Variants in TYR observed in about 807,000 individuals in gnomAD.
TYR encodes the protein tyrosinase, also known as LB24-AB.
Under a neutral mutation model 51.5 loss-of-function variants are expected in TYR, and 58 were observed. That is an observed-to-expected ratio of 1.13 (90% confidence interval 0.91 to 1.40). The LOEUF is 1.40. TYR is among the 40% of genes most tolerant of loss of function. The probability of loss-of-function intolerance (pLI) is 0.00; values close to 1 mark genes in which losing one functional copy is unlikely to be tolerated. For missense variants in TYR, 732 were observed against 647.4 expected (o/e 1.13, Z -1.42); for synonymous variants, 263 against 235.2 (o/e 1.12, Z -1.08).
chr11:89,246,974 G>A (rs962554383), intron 3 of TYR, among the ~76,000 whole-genome samples: 3 of 152,170 alleles, frequency 2.0e-5, no homozygotes, highest in Admixed American at 6.6e-5. Flanking sequence ...AGATGGGATG[G>A]CAGAGGAGGA....
At chr11:89,235,603 G>T (rs990525991) in intron 3 of TYR, among the ~76,000 whole-genome samples, 1 of 152,080 alleles carries the variant, frequency 6.6e-6, no homozygotes, top group African/African-American at 2.4e-5. Context: ...CTCTTTAGAT[G>T]CAGAATCTAA....
chr11:89,290,275 T>C (rs181328034), intron 4 of TYR, among the ~76,000 whole-genome samples: 138 of 152,124 alleles, frequency 9.1e-4, no homozygotes, highest in South Asian at 2.3e-3. Flanking sequence ...TTGAAGGATG[T>C]TGAGAAATAA....
intron 3 of TYR, among the ~76,000 whole-genome samples, chr11:89,229,920 T>G (rs1944025020): frequency 6.6e-6 from 1 of 152,030 alleles, no homozygotes; most frequent in Non-Finnish European, 1.5e-5. Context: ...AAAGATATCC[T>G]GTATTCATAG....
At position 89,295,260 on chromosome 11, in the gene TYR, T is replaced by C; in HGVS notation, c.1484T>C (p.Leu495Pro). ...GAVLTALLAG[L>P]VSLLCRHKRK... is the part of the protein sequence containing the mutation. ...GTCCTCACTGCCCTGCTGGCAGGGC[T>C]TGTGAGCTTGCTGTGTCGTCACAAG... is the stretch of plus-strand genomic sequence containing the variant. The change falls in exon 5 of 5, where the codon CTT becomes CCT. Residue 495 changes from leucine to proline, a missense_variant. Transcript: ENST00000263321. 1.2e-6 allele frequency: 2 copies of C among 1,613,928 alleles called. No individual in the cohort carries two copies. The highest frequency in any genetic ancestry group is 8.5e-7 in the Non-Finnish European group (1 of 1,179,834).
Position 89,178,074 on chromosome 11 carries a change from G to T in TYR, c.121G>T (p.Gly41Trp), listed in dbSNP as rs369291837. The T allele has an allele frequency of 1.2e-6, 2 of 1,614,062 alleles. No individual in the cohort carries two copies. Among genetic ancestry groups the T allele is most frequent in the Non-Finnish European group, 1.7e-6 (2 of 1,180,038 alleles). Residue 41 changes from glycine (G) to tryptophan (W), a missense_variant, in exon 1 of 5, where the codon GGG (glycine) becomes TGG (tryptophan). Gly to Trp is a radical substitution (Grantham distance 184). Transcript: ENST00000263321. ...MEKECCPPWS[G>W]DRSPCGQLSG... ...GAAGGAATGCTGTCCACCGTGGAGC[G>T]GGGACAGGAGTCCCTGTGGCCAGCT...
chr11:89,242,475 G>T (rs534552916), intron 3 of TYR, among the ~76,000 whole-genome samples: 9 of 152,184 alleles, frequency 5.9e-5, no homozygotes, highest in Non-Finnish European at 1.0e-4. Flanking sequence ...CTTCCAAAGT[G>T]CTGGGATTAC....
intron 2 of TYR, among the ~76,000 whole-genome samples, chr11:89,215,783 C>G (rs1943824620): frequency 6.6e-6 from 1 of 152,038 alleles, no homozygotes; most frequent in African/African-American, 2.4e-5. Context: ...AAGAATCCCA[C>G]CATTTTTGGA....
At chr11:89,204,904 A>C (rs944769342) in intron 2 of TYR, among the ~76,000 whole-genome samples, 2 of 152,184 alleles carry the variant, frequency 1.3e-5, no homozygotes, top group Admixed American at 1.3e-4. Flanking sequence ...GGTTGAAGCA[A>C]AAGTAATTGT....
intron 3 of TYR, 85 bp downstream of exon 3, chr11:89,228,055 A>C: frequency 6.5e-7 from 1 of 1,540,156 alleles, no homozygotes; most frequent in East Asian, 2.3e-5. Flanking sequence ...TTATTAAATA[A>C]AAGCTAAGAA....
intron 4 of TYR, among the ~76,000 whole-genome samples, chr11:89,290,580 A>T (rs1162033156): frequency 6.6e-6 from 1 of 152,092 alleles, no homozygotes. Flanking sequence ...TATATATTAA[A>T]AACAGTAACT....
rs184151843 is a variant in TYR at position 89,211,917 on chromosome 11, G to A, written c.1037-15906G>A. 2.9e-4 allele frequency among the ~76,000 whole-genome samples: 44 copies of A among 152,168 alleles called. No individual in the cohort carries two copies. The East Asian group carries it at 5.2e-3, about 18-fold the overall frequency. ...AAACCAATTATAACAAAGACACGAC[G>A]TACCAGAATCTCTGGGACACATTTA... On this transcript the variant is annotated intron_variant, in intron 2 of 4. Transcript: ENST00000263321.
intron 2 of TYR, among the ~76,000 whole-genome samples, chr11:89,191,759 G>A (rs1943449293): frequency 1.3e-5 from 2 of 152,102 alleles, no homozygotes; most frequent in African/African-American, 4.8e-5. Flanking sequence ...GAGACTCTGA[G>A]GAAAGAAGCA....
At chr11:89,258,207 T>C (rs1944417569) in intron 3 of TYR, among the ~76,000 whole-genome samples, 1 of 152,034 alleles carries the variant, frequency 6.6e-6, no homozygotes, top group Non-Finnish European at 1.5e-5. Flanking sequence ...AGAAACTTTT[T>C]TTATGTTTCT....
At chr11:89,238,578 T>C (rs1299801018) in intron 3 of TYR, among the ~76,000 whole-genome samples, 1 of 152,200 alleles carries the variant, frequency 6.6e-6, no homozygotes, top group Non-Finnish European at 1.5e-5. Context: ...ATACATTTCA[T>C]TTCTTTTTCT....
intron 3 of TYR, among the ~76,000 whole-genome samples, chr11:89,278,593 T>C (rs1460504427): frequency 1.3e-5 from 2 of 151,472 alleles, no homozygotes; most frequent in Non-Finnish European, 3.0e-5. Context: ...TTGTTCTTTT[T>C]TTAAGTAAAT....
chr11:89,245,834 A>G (rs866470827), intron 3 of TYR, among the ~76,000 whole-genome samples: 4 of 151,846 alleles, frequency 2.6e-5, no homozygotes, highest in African/African-American at 9.7e-5. Context: ...AGGCAGGAGA[A>G]TGGAGTGAAC....
intron 4 of TYR, among the ~76,000 whole-genome samples, chr11:89,293,370 C>CA (rs1555100628): frequency 1.8e-4 from 24 of 136,014 alleles, no homozygotes; most frequent in Non-Finnish European, 3.6e-4. Context: ...CACACACACA[C>CA]AACCCAGAAT....
chr11:89,254,046 T>A (rs183026315), intron 3 of TYR, among the ~76,000 whole-genome samples: 15 of 151,922 alleles, frequency 9.9e-5, no homozygotes, highest in Non-Finnish European at 1.5e-4. Flanking sequence ...GGATGCTGGA[T>A]TTTGTCAAGT....
At chr11:89,218,474 C>G (rs1943864385) in intron 2 of TYR, among the ~76,000 whole-genome samples, 1 of 151,978 alleles carries the variant, frequency 6.6e-6, no homozygotes, top group South Asian at 2.1e-4. Flanking sequence ...AGGAAGCTAA[C>G]CAAATATTTC....
Sources: allele counts gnomAD v4.1 joint callset (sites outside exome capture counted in the v4.1 genomes callset), GRCh38; gene constraint gnomAD v4.1.1; transcripts MANE v1.5; gene names NCBI Gene and HGNC (gene_info 2026-07-23, HGNC 2026-07-21).